Variants in TSHZ2 observed in about 807,000 individuals in gnomAD.
The protein encoded by TSHZ2 is teashirt zinc finger homeobox 2.
TSHZ2 carries 21 observed loss-of-function variants against 74.4 expected under a neutral mutation model. That is an observed-to-expected ratio of 0.28 (90% CI 0.20 to 0.41). The LOEUF (loss-of-function observed/expected upper bound fraction) is 0.41. Ranked by LOEUF, TSHZ2 falls within the 10% of genes least tolerant of loss-of-function variation. TSHZ2 has a pLI of 1.00. For missense variants in TSHZ2, 1,244 were observed against 1,293.5 expected, an observed-to-expected ratio of 0.96 and a Z score of 0.59; for synonymous variants, 540 against 515.3, an observed-to-expected ratio of 1.05 and a Z score of -0.65.
In TSHZ2 at chr20:53,187,594, G is replaced by T. The variant is rs185950532; in HGVS notation, c.41-65905G>T. 3.3e-5 allele frequency among the ~76,000 whole-genome samples: 5 copies of T among 152,270 alleles called. No homozygotes were observed. In the East Asian group the frequency reaches 5.8e-4, roughly 18 times the overall value. Reference sequence around the variant, plus strand: ...GCCGGGTGGTCCCAGCAGAACAGCTGTGGGATTTTAGCACCCGACAGGATG... The same window carrying T: ...GCCGGGTGGTCCCAGCAGAACAGCTTTGGGATTTTAGCACCCGACAGGATG... On this transcript the variant is annotated intron_variant, in intron 1 of 2. Coordinates refer to ENST00000371497, the MANE Select transcript of TSHZ2 (RefSeq NM_173485.6).
intron 2 of TSHZ2, among the ~76,000 whole-genome samples, chr20:53,338,580 G>T (rs1156664182): frequency 1.3e-5 from 2 of 152,176 alleles, no homozygotes; most frequent in Non-Finnish European, 2.9e-5. Flanking sequence ...GGTTGATCAT[G>T]ACTTGGAGGG....
chr20:53,069,296 G>T (rs1349413465), intron 1 of TSHZ2, among the ~76,000 whole-genome samples: 1 of 152,054 alleles, frequency 6.6e-6, no homozygotes, highest in Non-Finnish European at 1.5e-5. Flanking sequence ...CTTGTAGGGG[G>T]CAAGATGGGC....
chr20:53,492,612 A>T lies in TSHZ2; in HGVS notation c.*5477A>T, dbSNP rs1162751033. 1 of 152,222 alleles carries T rather than the reference A, an allele frequency of 6.6e-6. No individual in the cohort carries two copies. Among genetic ancestry groups the T allele is most frequent in the African/African-American group, 2.4e-5 (1 of 41,472 alleles). The allele number at this position is 152,222 out of a possible 1,614,324, so 9.4% of individuals were successfully genotyped here. On this transcript the variant is annotated 3_prime_UTR_variant, in exon 3 of 3. Coordinates refer to ENST00000371497, the MANE Select transcript of TSHZ2 (RefSeq NM_173485.6). ...CAGCCAGGCACTGTTGACATGAATCATTAACTTCCAAACCCCTTTAAAATC... is the reference window on the plus strand; with the variant it reads ...CAGCCAGGCACTGTTGACATGAATCTTTAACTTCCAAACCCCTTTAAAATC...
At chr20:53,298,557 G>A (rs1327127078) in intron 2 of TSHZ2, among the ~76,000 whole-genome samples, 1 of 152,214 alleles carries the variant, frequency 6.6e-6, no homozygotes, top group Admixed American at 6.5e-5. Context: ...AGCTTGGCTT[G>A]TTTGGGAAAC....
intron 1 of TSHZ2, among the ~76,000 whole-genome samples, chr20:53,213,999 C>T (rs1989376276): frequency 6.6e-6 from 1 of 152,106 alleles, no homozygotes. Flanking sequence ...GCGGGGAGGT[C>T]ACATACACAG....
intron 1 of TSHZ2, among the ~76,000 whole-genome samples, chr20:53,013,384 G>A (rs1381850865): frequency 6.6e-6 from 1 of 152,014 alleles, no homozygotes; most frequent in African/African-American, 2.4e-5. Context: ...AATACAGCCA[G>A]CTTTATAAAG....
At chr20:52,985,832 A>T (rs920934524) in intron 1 of TSHZ2, among the ~76,000 whole-genome samples, 1 of 152,230 alleles carries the variant, frequency 6.6e-6, no homozygotes, top group Admixed American at 6.5e-5. Context: ...CCAATTATGC[A>T]GTTTTAATGA....
At chr20:53,327,568 G>A (rs1394677555) in intron 2 of TSHZ2, among the ~76,000 whole-genome samples, 1 of 152,128 alleles carries the variant, frequency 6.6e-6, no homozygotes, top group Non-Finnish European at 1.5e-5. Flanking sequence ...ATGTAACAAG[G>A]GTTATCTTCC....
At chr20:53,024,649 C>A (rs577366636) in intron 1 of TSHZ2, among the ~76,000 whole-genome samples, 7 of 152,086 alleles carry the variant, frequency 4.6e-5, no homozygotes, top group East Asian at 3.9e-4. Flanking sequence ...CTCTCCTAGC[C>A]CCCCACCCAC....
intron 2 of TSHZ2, among the ~76,000 whole-genome samples, chr20:53,373,695 A>G (rs2145627126): frequency 6.6e-6 from 1 of 152,350 alleles, no homozygotes; most frequent in Admixed American, 6.5e-5. Context: ...GTGAAATCTT[A>G]CAAAAAGCAA....
chr20:53,340,184 C>CTTTTTTTTTTTTTTTTTTTTT (rs557613827), intron 2 of TSHZ2, among the ~76,000 whole-genome samples: 118 of 109,830 alleles, frequency 1.1e-3, no homozygotes, highest in East Asian at 1.4e-3. Context: ...TTTCTTTTTT[C>CTTTTTTTTTTTTTTTTTTTTT]TTTTTTTTTT....
At chr20:53,201,094 G>T (rs1042491234) in intron 1 of TSHZ2, among the ~76,000 whole-genome samples, 3 of 152,102 alleles carry the variant, frequency 2.0e-5, no homozygotes, top group East Asian at 1.9e-4. Flanking sequence ...TATAGCTGGG[G>T]TAGGGACTTT....
intron 1 of TSHZ2, among the ~76,000 whole-genome samples, chr20:53,247,708 T>C (rs899303131): frequency 1.3e-5 from 2 of 152,226 alleles, no homozygotes; most frequent in African/African-American, 4.8e-5. Flanking sequence ...CATCTTCCTG[T>C]GACTTTAAAC....
At chr20:53,036,432 G>A (rs369123743) in intron 1 of TSHZ2, among the ~76,000 whole-genome samples, 12 of 151,334 alleles carry the variant, frequency 7.9e-5, no homozygotes, top group Admixed American at 4.0e-4. Context: ...GTATATGCAC[G>A]TATACATACA....
chr20:53,038,598 C>T (rs186487923), intron 1 of TSHZ2, among the ~76,000 whole-genome samples: 8 of 152,298 alleles, frequency 5.3e-5, no homozygotes, highest in African/African-American at 1.4e-4. Flanking sequence ...GGTGCCTCCC[C>T]AAGCTCTCAT....
At chr20:53,425,640 A>G (rs189177452) in intron 2 of TSHZ2, among the ~76,000 whole-genome samples, 140 of 152,354 alleles carry the variant, frequency 9.2e-4, no homozygotes, top group Admixed American at 1.4e-3. Flanking sequence ...CAGGTCTTGC[A>G]GGTGATGCAA....
chr20:53,391,272 G>C (rs6091667), intron 2 of TSHZ2, among the ~76,000 whole-genome samples: 1 of 151,790 alleles, frequency 6.6e-6, no homozygotes, highest in African/African-American at 2.4e-5. Flanking sequence ...TCAGCCTCCC[G>C]AGTAGCTGGG....
chr20:53,053,525 A>G (rs1028269902), intron 1 of TSHZ2, among the ~76,000 whole-genome samples: 2 of 152,166 alleles, frequency 1.3e-5, no homozygotes, highest in African/African-American at 2.4e-5. Context: ...AAAAAGGAAG[A>G]AAAAGAAAAC....
intron 2 of TSHZ2, among the ~76,000 whole-genome samples, chr20:53,468,688 C>CAAAAAA (rs1158529552): frequency 8.0e-4 from 52 of 65,040 alleles, no homozygotes; most frequent in South Asian, 1.4e-3. Context: ...CATTACGAGA[C>CAAAAAA]AAAAAAAAAA....
Sources: allele counts gnomAD v4.1 joint callset (sites outside exome capture counted in the v4.1 genomes callset), GRCh38; gene constraint gnomAD v4.1.1; transcripts MANE v1.5; gene names NCBI Gene and HGNC (gene_info 2026-07-23, HGNC 2026-07-21).